The following VIT variants were observed in gnomAD, a reference collection of about 807,000 sequenced individuals.
VIT encodes the protein vitrin.
VIT carries 99 observed loss-of-function variants against 78.0 expected under a neutral mutation model. That is an observed-to-expected ratio of 1.27 (90% confidence interval 1.08 to 1.50). VIT has a LOEUF of 1.50. Among genes scored for constraint, VIT ranks in the 40% most tolerant of loss-of-function variants. The pLI is 0.00. For missense variants in VIT, 1,126 were observed against 875.3 expected (o/e 1.29, Z -3.61); for synonymous variants, 374 against 334.3 (o/e 1.12, Z -1.29).
At chr2:36,767,508 T>C (rs888386555) in intron 7 of VIT, among the ~76,000 whole-genome samples, 1 of 152,192 alleles carries the variant, frequency 6.6e-6, no homozygotes, top group Non-Finnish European at 1.5e-5. Context: ...TACTTTCCCA[T>C]TGCAAAATCT....
At chr2:36,742,078 T>C (rs116238264) in intron 3 of VIT, among the ~76,000 whole-genome samples, 2,024 of 152,240 alleles carry the variant, frequency 0.013, 42 homozygotes, top group African/African-American at 0.045. Flanking sequence ...GTGCTCACGT[T>C]TTAAAGTTCC....
At chr2:36,755,104 T>C (rs372223525) in intron 5 of VIT, 50 bp downstream of exon 5, 9 of 1,567,898 alleles carry the variant, frequency 5.7e-6, no homozygotes, top group Middle Eastern at 1.7e-4. Flanking sequence ...CAAGATGAAA[T>C]GTGCTCTTTT....
Position 36,814,694 on chromosome 2 carries a change from T to A in VIT, c.*333T>A, listed in dbSNP as rs1297781122. On this transcript the variant is annotated 3_prime_UTR_variant, in exon 16 of 16. Transcript: ENST00000379242. ...GTAGAGCTTTTGTGAGATTTTTAAG[T>A]TGTTATTTCTGATTAGAACTCTGTA... 1 of 205,706 alleles carries A rather than the reference T, an allele frequency of 4.9e-6. No homozygotes were observed. The highest frequency in any genetic ancestry group is 9.6e-6 in the Non-Finnish European group (1 of 103,714). 12.7% of individuals were successfully genotyped at this position (205,706 alleles called of 1,614,324 possible). A position where few individuals can be genotyped will look rare whatever the true frequency, so the allele number is the denominator to read the frequency against.
intron 7 of VIT, among the ~76,000 whole-genome samples, chr2:36,771,262 G>A (rs1296149612): frequency 6.6e-6 from 1 of 152,200 alleles, no homozygotes; most frequent in African/African-American, 2.4e-5. Flanking sequence ...GGTCCCGGTG[G>A]CTCACGCCTG....
intron 6 of VIT, among the ~76,000 whole-genome samples, chr2:36,763,506 G>C (rs1558550251): frequency 6.6e-6 from 1 of 151,076 alleles, no homozygotes; most frequent in Admixed American, 6.6e-5. Flanking sequence ...ATTCACCTTG[G>C]ATCAAATCAA....
chr2:36,787,393 G>A (rs1464504548), intron 12 of VIT, 117 bp downstream of exon 12: 3 of 1,345,888 alleles, frequency 2.2e-6, no homozygotes, highest in Non-Finnish European at 3.0e-6. Context: ...GCACAGATTT[G>A]TTCTCTTCCC....
chr2:36,731,927 C>T (rs1226247248), intron 3 of VIT, among the ~76,000 whole-genome samples: 3 of 152,156 alleles, frequency 2.0e-5, no homozygotes, highest in Non-Finnish European at 4.4e-5. Context: ...CTCCTTTTTT[C>T]TTCTGCTCTT....
In VIT at chr2:36,805,678, C is replaced by A. The variant is rs141520296; in HGVS notation, c.1389+14C>A. On this transcript the variant is annotated intron_variant, in intron 14 of 15. Coordinates refer to ENST00000379242, the MANE Select transcript of VIT (RefSeq NM_053276.4). Reference sequence around the variant, plus strand: ...TTTGCAAACAAGGTAGATGACTGCCCGGAGACCTACCCAACATCAGGATTT... The same window carrying A: ...TTTGCAAACAAGGTAGATGACTGCCAGGAGACCTACCCAACATCAGGATTT... The A allele has an allele frequency of 7.8e-5, 125 of 1,604,268 alleles. No individual in the cohort carries two copies. The highest frequency in any genetic ancestry group is 9.1e-5 in the Non-Finnish European group (107 of 1,173,444).
intron 3 of VIT, among the ~76,000 whole-genome samples, chr2:36,730,866 A>G (rs201888410): frequency 6.6e-6 from 1 of 152,202 alleles, no homozygotes; most frequent in East Asian, 1.9e-4. Context: ...CGGACTCAGA[A>G]TGGGGAGTAC....
chr2:36,717,334 ATGTGTGTGTGTGTGTGTGTGTGTGTGTG>A (rs70946944), intron 2 of VIT, among the ~76,000 whole-genome samples: 35 of 64,072 alleles, frequency 5.5e-4, no homozygotes, highest in African/African-American at 1.2e-3. Flanking sequence ...CGCCTGGCTA[ATGTGTGTGTGTGTGTGTGTGTGTGTGTG>A]TGTGTGTGTG....
intron 1 of VIT, among the ~76,000 whole-genome samples, chr2:36,699,250 G>A (rs1311762400): frequency 1.3e-5 from 2 of 150,764 alleles, no homozygotes; most frequent in South Asian, 2.1e-4. Context: ...CATCACATAC[G>A]AAATGAAGAA....
intron 9 of VIT, among the ~76,000 whole-genome samples, chr2:36,776,079 G>A (rs929068511): frequency 1.3e-5 from 2 of 152,222 alleles, no homozygotes; most frequent in African/African-American, 4.8e-5. Flanking sequence ...CTTATGGTGT[G>A]CCAGACAGAG....
chr2:36,784,154 G>A (rs1054348294), intron 11 of VIT, among the ~76,000 whole-genome samples: 1 of 152,192 alleles, frequency 6.6e-6, no homozygotes, highest in Non-Finnish European at 1.5e-5. Flanking sequence ...GGAAGAACCA[G>A]AGAAAAACAA....
chr2:36,731,988 C>T (rs940693608), intron 3 of VIT, among the ~76,000 whole-genome samples: 3 of 152,186 alleles, frequency 2.0e-5, no homozygotes, highest in Non-Finnish European at 4.4e-5. Context: ...AAAGGGCAAC[C>T]ATCCACAGCC....
At chr2:36,704,272 T>C (rs1665271722) in intron 1 of VIT, among the ~76,000 whole-genome samples, 1 of 152,180 alleles carries the variant, frequency 6.6e-6, no homozygotes, top group Non-Finnish European at 1.5e-5. Flanking sequence ...TTTCCTGCTC[T>C]GATGAATGGG....
At chr2:36,806,398 C>T (rs1490107198) in intron 14 of VIT, among the ~76,000 whole-genome samples, 1 of 152,184 alleles carries the variant, frequency 6.6e-6, no homozygotes, top group African/African-American at 2.4e-5. Context: ...ATGCCCTTCT[C>T]CCTGGACTTC....
intron 4 of VIT, among the ~76,000 whole-genome samples, 153 bp from the exon 5 acceptor site, chr2:36,754,768 T>C (rs560196785): frequency 4.6e-5 from 7 of 152,290 alleles, no homozygotes; most frequent in Non-Finnish European, 1.0e-4. Context: ...GGAGGCACCA[T>C]TCTTGTGGGT....
chr2:36,805,923 CA>C (rs1000955219), intron 14 of VIT, among the ~76,000 whole-genome samples: 6 of 152,114 alleles, frequency 3.9e-5, no homozygotes, highest in East Asian at 1.9e-4. Flanking sequence ...TCCACAGCCC[CA>C]GGGGGGGTCT....
At chr2:36,729,577 T>G (rs1667069311) in intron 3 of VIT, 86 bp downstream of exon 3, 3 of 1,405,270 alleles carry the variant, frequency 2.1e-6, no homozygotes, top group Non-Finnish European at 2.9e-6. Flanking sequence ...TAATTTTTGT[T>G]TTGGTTTGGT....
Sources: gnomAD v4.1 joint callset for allele counts (sites outside exome capture counted in the v4.1 genomes callset) on GRCh38, gnomAD v4.1.1 for gene constraint, MANE v1.5 for transcripts, NCBI Gene and HGNC (gene_info 2026-07-23, HGNC 2026-07-21) for gene names.